Variants in CSMD1 observed in about 807,000 individuals in gnomAD.
CSMD1 encodes CUB and Sushi multiple domains 1.
CSMD1 carries 213 observed loss-of-function variants against 417.5 expected under a neutral mutation model. The ratio of observed to expected loss-of-function variants is 0.51; its 90% confidence interval spans 0.46 to 0.57. The LOEUF (loss-of-function observed/expected upper bound fraction) is 0.57, where lower values mean the gene tolerates loss of function less well. Among genes scored for constraint, CSMD1 ranks in the 20% least tolerant of loss-of-function variants. CSMD1 has a pLI of 0.00. For synonymous variants in CSMD1, 2,862 were observed against 1,736.8 expected (o/e 1.65, Z -16.11); for missense variants, 6,923 against 4,529.7 (o/e 1.53, Z -15.17).
At chr8:3,298,990 C>A (rs1804179040) in intron 25 of CSMD1, among the ~76,000 whole-genome samples, 1 of 152,146 alleles carries the variant, frequency 6.6e-6, no homozygotes, top group African/African-American at 2.4e-5. Flanking sequence ...AACATGCACC[C>A]TGGTACCATG....
At chr8:3,356,308 T>C (rs1313297992) in intron 21 of CSMD1, among the ~76,000 whole-genome samples, 2 of 152,212 alleles carry the variant, frequency 1.3e-5, no homozygotes, top group African/African-American at 4.8e-5. Context: ...TTTCCTCTTT[T>C]GGATACACAG....
At chr8:4,461,302 C>A (rs138170987) in intron 2 of CSMD1, among the ~76,000 whole-genome samples, 1 of 152,062 alleles carries the variant, frequency 6.6e-6, no homozygotes, top group East Asian at 1.9e-4. Context: ...TGAACATTTT[C>A]TGCCTAAAAT....
intron 26 of CSMD1, among the ~76,000 whole-genome samples, chr8:3,277,857 C>G (rs1401703162): frequency 1.3e-5 from 2 of 152,202 alleles, no homozygotes; most frequent in Non-Finnish European, 2.9e-5. Context: ...CATTAAACCA[C>G]ATGGAATTGC....
chr8:3,827,774 G>T (rs549973509), intron 5 of CSMD1, among the ~76,000 whole-genome samples: 1 of 152,278 alleles, frequency 6.6e-6, no homozygotes, highest in South Asian at 2.1e-4. Context: ...ATTGGGAAAA[G>T]ACTATCCTAT....
intron 2 of CSMD1, among the ~76,000 whole-genome samples, chr8:4,461,381 T>A (rs976739063): frequency 1.1e-4 from 17 of 151,754 alleles, no homozygotes; most frequent in Non-Finnish European, 2.2e-4. Flanking sequence ...GCAGGAAATT[T>A]AAAGGCATAA....
chr8:3,549,485 G>C (rs1033923156), intron 10 of CSMD1, among the ~76,000 whole-genome samples: 3 of 152,198 alleles, frequency 2.0e-5, no homozygotes, highest in Admixed American at 6.5e-5. Context: ...TGAGAGATGG[G>C]ACCATTAAGA....
intron 3 of CSMD1, among the ~76,000 whole-genome samples, chr8:4,187,654 C>G (rs1265693342): frequency 3.2e-5 from 3 of 94,634 alleles, no homozygotes; most frequent in African/African-American, 4.3e-5. Flanking sequence ...CCAGCCTGGG[C>G]AACAAGAGTG....
intron 27 of CSMD1, 65 bp downstream of exon 27, chr8:3,229,975 G>A: frequency 9.2e-7 from 1 of 1,092,534 alleles, no homozygotes; most frequent in Non-Finnish European, 1.3e-6. Flanking sequence ...CATTTACGGA[G>A]CGCTTTTAAC....
chr8:4,309,644 C>T (rs1439674839), intron 3 of CSMD1, among the ~76,000 whole-genome samples: 3 of 152,112 alleles, frequency 2.0e-5, no homozygotes, highest in Non-Finnish European at 2.9e-5. Flanking sequence ...CATACTGCTA[C>T]TGAAATTAGA....
chr8:3,844,289 AG>A (rs1803339691), intron 5 of CSMD1, among the ~76,000 whole-genome samples: 1 of 152,178 alleles, frequency 6.6e-6, no homozygotes, highest in African/African-American at 2.4e-5. Flanking sequence ...TAGTGAGTCA[AG>A]GAAAATTAAT....
rs1403401684 is a variant in CSMD1, at chr8:4,266,643, T to C, written c.415+153310A>G. ...CTGTCCTGCAGTTGAACATTTTTAT[T>C]TGTCATCTATGAACATTGATATAAC... On this transcript the variant is annotated intron_variant, in intron 3 of 69. Coordinates refer to ENST00000635120, the MANE Select transcript of CSMD1 (RefSeq NM_033225.6). Among the ~76,000 whole-genome samples the C allele has an allele frequency of 1.9e-5, 2 of 105,180 alleles. 1 individual carries two copies. The highest frequency in any genetic ancestry group is 5.1e-5 in the Non-Finnish European group (2 of 38,984). 69.0% of individuals were successfully genotyped at this position (105,180 alleles called of 152,430 possible).
chr8:4,143,255 T>C (rs1408208087), intron 3 of CSMD1, among the ~76,000 whole-genome samples: 1 of 151,178 alleles, frequency 6.6e-6, no homozygotes, highest in Non-Finnish European at 1.5e-5. Context: ...CACTATCTTT[T>C]TCCATTTGTC....
chr8:3,044,449 T>C (rs1192362706), intron 50 of CSMD1, among the ~76,000 whole-genome samples: 1 of 152,208 alleles, frequency 6.6e-6, no homozygotes, highest in East Asian at 1.9e-4. Context: ...AGTTTTTCAC[T>C]GGAAGGCTAG....
At chr8:4,049,871 A>G (rs549182181) in intron 3 of CSMD1, among the ~76,000 whole-genome samples, 13 of 151,632 alleles carry the variant, frequency 8.6e-5, no homozygotes, top group African/African-American at 3.1e-4. Flanking sequence ...GTCTTATTGA[A>G]TTATCTTAGC....
intron 1 of CSMD1, among the ~76,000 whole-genome samples, chr8:4,991,805 C>G (rs1277197456): frequency 1.3e-5 from 2 of 152,232 alleles, no homozygotes; most frequent in Admixed American, 6.5e-5. Flanking sequence ...TCACCAGCCC[C>G]CTTCCTGCCT....
At chr8:4,032,341 A>G in intron 3 of CSMD1, among the ~76,000 whole-genome samples, 1 of 152,302 alleles carries the variant, frequency 6.6e-6, no homozygotes, top group African/African-American at 2.4e-5. Flanking sequence ...AAGAGAGAAA[A>G]ATATAGTCCT....
rs1197171048 is a variant in CSMD1, at chr8:4,823,849, T to G, written c.85+170483A>C. ...CACAGAGGTTGAAGATAAATGAGGC[T>G]TGAGAGAATAAAAGGAAGGCTTAAT... On this transcript the variant is annotated intron_variant, in intron 1 of 69. Coordinates refer to ENST00000635120, the MANE Select transcript of CSMD1 (RefSeq NM_033225.6). Among the ~76,000 whole-genome samples the G allele has an allele frequency of 2.0e-5, 3 of 151,858 alleles. No homozygotes were observed. In the South Asian group the frequency reaches 6.3e-4, roughly 32 times the overall value.
At chr8:3,890,301 A>G (rs1806875478) in intron 5 of CSMD1, among the ~76,000 whole-genome samples, 1 of 152,176 alleles carries the variant, frequency 6.6e-6, no homozygotes, top group South Asian at 2.1e-4. Flanking sequence ...CTTGAAAAAT[A>G]TTAATATTAA....
rs776317906 is a variant in CSMD1 at position 3,108,661 on chromosome 8, G to C, written c.6696C>G (p.Val2232=). Residue 2232 remains valine (V), a synonymous_variant, in exon 44 of 70, where the codon GTC becomes GTG. Transcript: ENST00000635120. ...LETAYSSTNQ[V]LLKFHSDFSN... ...AAAAGTCGCTGTGGAACTTGAGCAG[G>C]ACTTGGTTGGTGGAGCTATACGCCG... 1.5e-5 allele frequency: 24 copies of C among 1,613,670 alleles called. No individual in the cohort carries two copies. In the African/African-American group the frequency reaches 1.9e-4, roughly 13 times the overall value.
Sources: allele counts gnomAD v4.1 joint callset (sites outside exome capture counted in the v4.1 genomes callset), GRCh38; gene constraint gnomAD v4.1.1; transcripts MANE v1.5; gene names NCBI Gene and HGNC (gene_info 2026-07-23, HGNC 2026-07-21).